The following CCDC178 variants were observed in gnomAD, a reference collection of about 807,000 sequenced individuals.
The protein encoded by CCDC178 is coiled-coil domain containing 178.
CCDC178 carries 126 observed loss-of-function variants against 117.4 expected under a neutral mutation model. That is an observed-to-expected ratio of 1.07 (90% confidence interval 0.93 to 1.24). The LOEUF (loss-of-function observed/expected upper bound fraction) is 1.24. Ranked by LOEUF, CCDC178 falls within the 50% of genes most tolerant of loss-of-function variation. CCDC178 has a pLI of 0.00. For missense variants in CCDC178, 1,030 were observed against 986.9 expected (o/e 1.04, Z -0.59); for synonymous variants, 283 against 313.4 (o/e 0.90, Z 1.02).
intron 15 of CCDC178, among the ~76,000 whole-genome samples, chr18:33,240,653 A>G (rs2059476489): frequency 6.6e-6 from 1 of 151,932 alleles, no homozygotes; most frequent in Admixed American, 6.6e-5. Flanking sequence ...GATTGAATCA[A>G]GAAGAAAAGG....
At chr18:33,383,566 G>A (rs948613797) in intron 5 of CCDC178, among the ~76,000 whole-genome samples, 1 of 152,042 alleles carries the variant, frequency 6.6e-6, no homozygotes, top group Non-Finnish European at 1.5e-5. Flanking sequence ...GTGCTACCCA[G>A]GCAAACAGAG....
chr18:33,440,300 T>G (rs1212487646), intron 1 of CCDC178, among the ~76,000 whole-genome samples: 2 of 2,200 alleles, frequency 9.1e-4, no homozygotes, highest in South Asian at 0.015. Flanking sequence ...ACTGGGGGAC[T>G]GGGGGACTGG....
At chr18:32,941,250 T>C (rs957880959) in intron 22 of CCDC178, among the ~76,000 whole-genome samples, 1 of 152,122 alleles carries the variant, frequency 6.6e-6, no homozygotes, top group African/African-American at 2.4e-5. Flanking sequence ...ACTGTGATGA[T>C]AATTTCAATT....
chr18:33,278,993 A>T (rs1054375455), intron 12 of CCDC178, among the ~76,000 whole-genome samples: 3 of 152,098 alleles, frequency 2.0e-5, no homozygotes, highest in Non-Finnish European at 2.9e-5. Flanking sequence ...CCCACAGCCA[A>T]TATCATACTG....
chr18:33,111,285 T>TA (rs1337011474), intron 20 of CCDC178, among the ~76,000 whole-genome samples: 1 of 151,648 alleles, frequency 6.6e-6, no homozygotes, highest in South Asian at 2.1e-4. Flanking sequence ...TCTTACTGTT[T>TA]ATCTGTAAAG....
intron 20 of CCDC178, among the ~76,000 whole-genome samples, chr18:33,141,352 CA>C (rs1420999252): frequency 3.9e-5 from 6 of 152,118 alleles, no homozygotes; most frequent in Admixed American, 3.9e-4. Flanking sequence ...TGCCAATGGA[CA>C]TGGTAAAAAT....
At chr18:32,996,581 G>A (rs2055513783) in intron 21 of CCDC178, among the ~76,000 whole-genome samples, 1 of 151,750 alleles carries the variant, frequency 6.6e-6, no homozygotes, top group South Asian at 2.1e-4. Flanking sequence ...GAATAAAGTA[G>A]AATGTAAAAC....
At position 33,099,535 on chromosome 18, in the gene CCDC178, C is replaced by T. The variant is rs998133614; in HGVS notation, c.2239-6625G>A. On this transcript the variant is annotated intron_variant, in intron 20 of 22. Transcript: ENST00000383096. ...TTTGTGAGTAACTTCAAAAGCATCC[C>T]CCACTTTTATTCATGGGCATTAGTG... 3.3e-5 allele frequency among the ~76,000 whole-genome samples: 5 copies of T among 152,048 alleles called. No individual in the cohort carries two copies. The South Asian group carries it at 6.2e-4, about 19-fold the overall frequency.
chr18:33,340,250 T>C (rs1455537453), intron 9 of CCDC178, among the ~76,000 whole-genome samples: 3 of 152,132 alleles, frequency 2.0e-5, no homozygotes, highest in Non-Finnish European at 4.4e-5. Flanking sequence ...TATGGAACTT[T>C]GAACTTGAGA....
chr18:33,004,385 G>T (rs2055707321), intron 21 of CCDC178, among the ~76,000 whole-genome samples: 1 of 152,062 alleles, frequency 6.6e-6, no homozygotes, highest in African/African-American at 2.4e-5. Flanking sequence ...ATACACCGAG[G>T]AAGACAGTCA....
intron 19 of CCDC178, among the ~76,000 whole-genome samples, chr18:33,214,171 C>G (rs1190182654): frequency 6.6e-6 from 1 of 152,002 alleles, no homozygotes; most frequent in East Asian, 1.9e-4. Context: ...TCTCAGCATT[C>G]ATTGGAAATG....
intron 21 of CCDC178, among the ~76,000 whole-genome samples, chr18:33,037,980 T>C (rs913682815): frequency 9.2e-5 from 14 of 151,980 alleles, no homozygotes; most frequent in Admixed American, 7.9e-4. Context: ...TTTCTCTTAA[T>C]TCTCTGTTAC....
chr18:33,109,200 A>G (rs1484968243), intron 20 of CCDC178, among the ~76,000 whole-genome samples: 1 of 151,750 alleles, frequency 6.6e-6, no homozygotes, highest in South Asian at 2.1e-4. Context: ...TTTCAAGAAT[A>G]CTAACCCACT....
intron 22 of CCDC178, among the ~76,000 whole-genome samples, chr18:32,956,400 CTTAGT>C (rs749575194): frequency 2.0e-5 from 3 of 152,158 alleles, no homozygotes; most frequent in Non-Finnish European, 4.4e-5. Flanking sequence ...TATACAACCA[CTTAGT>C]TTAACAGATG....
intron 14 of CCDC178, among the ~76,000 whole-genome samples, chr18:33,258,314 C>T (rs2059703422): frequency 6.6e-6 from 1 of 152,118 alleles, no homozygotes; most frequent in Non-Finnish European, 1.5e-5. Context: ...GCAACACCGG[C>T]CTCCATTCTC....
At chr18:33,326,715 TTGTC>T (rs1294252661) in intron 10 of CCDC178, among the ~76,000 whole-genome samples, 7 of 152,030 alleles carry the variant, frequency 4.6e-5, no homozygotes, top group African/African-American at 7.2e-5. Context: ...GTCACCATCT[TTGTC>T]TGCTAACTTA....
intron 7 of CCDC178, among the ~76,000 whole-genome samples, chr18:33,356,011 T>C (rs1182569728): frequency 6.6e-6 from 1 of 152,166 alleles, no homozygotes. Context: ...GCAGCTTCCT[T>C]CTTCATTGAA....
chr18:33,369,518 G>A (rs1245846411), intron 6 of CCDC178, among the ~76,000 whole-genome samples: 6 of 151,868 alleles, frequency 4.0e-5, no homozygotes, highest in African/African-American at 1.2e-4. Flanking sequence ...GGTATTTTTT[G>A]TCATTCTTAA....
At chr18:33,374,931 A>G (rs936657409) in intron 5 of CCDC178, among the ~76,000 whole-genome samples, 1 of 152,174 alleles carries the variant, frequency 6.6e-6, no homozygotes, top group Non-Finnish European at 1.5e-5. Flanking sequence ...AACTAAAATC[A>G]TACTGGAGTT....
Sources: allele counts gnomAD v4.1 joint callset (sites outside exome capture counted in the v4.1 genomes callset), GRCh38; gene constraint gnomAD v4.1.1; transcripts MANE v1.5; gene names NCBI Gene and HGNC (gene_info 2026-07-23, HGNC 2026-07-21).